Variants in CENPL observed in about 807,000 individuals in gnomAD.
CENPL encodes the protein centromere protein L.
A neutral mutation model predicts 35.2 loss-of-function variants in CENPL; 20 were observed. The observed-to-expected ratio is 0.57, with a 90% CI of 0.40 to 0.83. The LOEUF (loss-of-function observed/expected upper bound fraction) is 0.83, where lower values mean the gene tolerates loss of function less well. CENPL is among the 40% of genes least tolerant of loss of function. The pLI, the probability that CENPL is intolerant of heterozygous loss-of-function variation, is 0.00. For synonymous variants in CENPL, 140 were observed against 140.6 expected (o/e 1.00, Z 0.03); for missense variants, 363 against 395.8 (o/e 0.92, Z 0.70).
intron 3 of CENPL, among the ~76,000 whole-genome samples, chr1:173,808,101 T>C (rs1557845686): frequency 6.6e-6 from 1 of 152,118 alleles, no homozygotes; most frequent in Non-Finnish European, 1.5e-5. Context: ...CTAATTTGAT[T>C]AGTCTTAATT....
chr1:173,812,751 A>T (rs183501839), intron 2 of CENPL, among the ~76,000 whole-genome samples: 3 of 152,314 alleles, frequency 2.0e-5, no homozygotes, highest in Non-Finnish European at 2.9e-5. Context: ...TAATTCTAAA[A>T]ACCAGAGGGC....
chr1:173,805,509 C>CAA (rs1409340810), intron 4 of CENPL, among the ~76,000 whole-genome samples: 24 of 78,208 alleles, frequency 3.1e-4, no homozygotes, highest in African/African-American at 7.9e-4. Context: ...GAAGCTGTCT[C>CAA]AAAAAAAAAA....
At chr1:173,817,389 C>A (rs1651509269) in intron 2 of CENPL, among the ~76,000 whole-genome samples, 1 of 152,162 alleles carries the variant, frequency 6.6e-6, no homozygotes, top group African/African-American at 2.4e-5. Context: ...ATGAAGCCAA[C>A]AAACACATGA....
chr1:173,811,874 G>C (rs1650862602), intron 2 of CENPL, among the ~76,000 whole-genome samples: 1 of 152,250 alleles, frequency 6.6e-6, no homozygotes, highest in Non-Finnish European at 1.5e-5. Flanking sequence ...TGCCCCACCT[G>C]GGAAGCGCAA....
At chr1:173,815,402 A>G (rs1042865390) in intron 2 of CENPL, among the ~76,000 whole-genome samples, 3 of 152,226 alleles carry the variant, frequency 2.0e-5, no homozygotes, top group Non-Finnish European at 4.4e-5. Flanking sequence ...ATTTTGGACC[A>G]ATATCCCTGA....
rs774711348 is a variant in CENPL, at chr1:173,807,364, G to C, written c.323C>G (p.Ala108Gly). The change falls in exon 4 of 6, where the codon GCT (alanine) becomes GGT (glycine). Residue 108 changes from alanine to glycine, a missense_variant. Physicochemically the swap from Ala to Gly is moderately conservative, Grantham distance 60 (BLOSUM62 0). Transcript: ENST00000682279. ...GTTGAAGTCTTCTCCCACTTCCACA[G>C]CAAGTCCTTTTTGCTTTTCAGCAAC... is the stretch of plus-strand genomic sequence containing the variant. Reference protein sequence around the residue: ...FIVAEKQKGLAVEVGEDFNIK... With the variant: ...FIVAEKQKGLGVEVGEDFNIK... 3 of 1,613,660 alleles carry C rather than the reference G, an allele frequency of 1.9e-6. No homozygotes were observed. Among genetic ancestry groups the C allele is most frequent in the Non-Finnish European group, 2.5e-6 (3 of 1,179,778 alleles).
chr1:173,803,976 A>G (rs1414654026), intron 4 of CENPL, among the ~76,000 whole-genome samples: 6 of 152,106 alleles, frequency 3.9e-5, no homozygotes, highest in African/African-American at 1.4e-4. Context: ...CCGGCCCCCA[A>G]TATTCTTATA....
chr1:173,819,201 T>C (rs1651701992), intron 2 of CENPL, among the ~76,000 whole-genome samples: 1 of 151,714 alleles, frequency 6.6e-6, no homozygotes, highest in South Asian at 2.1e-4. Context: ...GCCACCGAAT[T>C]CCAGCCTGGG....
Position 173,802,950 on chromosome 1 carries a change from T to A in CENPL, c.963+13A>T, listed in dbSNP as rs752678405. On this transcript the variant is annotated intron_variant, in intron 5 of 5. Coordinates refer to ENST00000682279, the MANE Select transcript of CENPL (RefSeq NM_001387287.1). ...ACAAGGAAAAATTACTTAACTAGAT[T>A]GTTCAAACTAACCTTTATTTTTCCA... 1 of 1,556,782 alleles carries A rather than the reference T, an allele frequency of 6.4e-7. No homozygotes were observed. Among genetic ancestry groups the A allele is most frequent in the South Asian group, 1.2e-5 (1 of 82,940 alleles).
intron 4 of CENPL, 62 bp downstream of exon 4, chr1:173,807,205 G>C: frequency 1.5e-6 from 2 of 1,375,074 alleles, no homozygotes. Context: ...AATTATTATA[G>C]TTTAGTCAAA....
At chr1:173,820,755 T>C (rs1271525509) in intron 2 of CENPL, among the ~76,000 whole-genome samples, 1 of 152,198 alleles carries the variant, frequency 6.6e-6, no homozygotes, top group African/African-American at 2.4e-5. Flanking sequence ...AAATTATTGA[T>C]ACATGCAACA....
chr1:173,820,962 T>A (rs1156341238), intron 2 of CENPL, among the ~76,000 whole-genome samples: 2 of 152,160 alleles, frequency 1.3e-5, no homozygotes, highest in Non-Finnish European at 2.9e-5. Context: ...GAACTGTATC[T>A]TGACTGTAGT....
intron 3 of CENPL, among the ~76,000 whole-genome samples, chr1:173,808,800 AG>A (rs1234454976): frequency 6.6e-6 from 1 of 152,170 alleles, no homozygotes; most frequent in Non-Finnish European, 1.5e-5. Context: ...ACGACAACCT[AG>A]GCAATACCAT....
At chr1:173,808,450 C>T (rs542232676) in intron 3 of CENPL, 2 of 151,578 alleles carry the variant, frequency 1.3e-5, no homozygotes, top group Admixed American at 1.3e-4. Context: ...TTTATGAAAC[C>T]ATGCCCAATT....
chr1:173,800,904 CTA>C (rs1293146550), intron 5 of CENPL, among the ~76,000 whole-genome samples: 8 of 152,254 alleles, frequency 5.3e-5, no homozygotes, highest in Non-Finnish European at 1.2e-4. Flanking sequence ...TTATAGTGAG[CTA>C]TAATCACACT....
chr1:173,807,030 G>A lies in CENPL; in HGVS notation c.420+237C>T, dbSNP rs376085463. On this transcript the variant is annotated intron_variant, in intron 4 of 5. Coordinates refer to ENST00000682279, the MANE Select transcript of CENPL (RefSeq NM_001387287.1). ...ATGGGCAATATGATCCCAATTTCAA[G>A]ACTATATAGATACAGATAACCAAAC... 2.6e-5 allele frequency among the ~76,000 whole-genome samples: 4 copies of A among 152,116 alleles called. 1 individual carries two copies. Among genetic ancestry groups the A allele is most frequent in the African/African-American group, 9.6e-5 (4 of 41,510 alleles).
chr1:173,807,622 G>T, intron 3 of CENPL, 104 bp from the exon 4 acceptor site: 3 of 938,344 alleles, frequency 3.2e-6, no homozygotes, highest in Non-Finnish European at 4.6e-6. Flanking sequence ...TTGAGTACCT[G>T]ATTTTTGCAC....
At chr1:173,809,359 A>C (rs1289196065) in intron 3 of CENPL, among the ~76,000 whole-genome samples, 1 of 151,060 alleles carries the variant, frequency 6.6e-6, no homozygotes, top group African/African-American at 2.4e-5. Flanking sequence ...GAGGGTGGGG[A>C]GGGTTGATCA....
chr1:173,804,881 T>C (rs993698101), intron 4 of CENPL, among the ~76,000 whole-genome samples: 6 of 152,242 alleles, frequency 3.9e-5, no homozygotes, highest in African/African-American at 1.4e-4. Context: ...ATCATAGCTT[T>C]GTATCATACC....
Sources: allele counts gnomAD v4.1 joint callset (sites outside exome capture counted in the v4.1 genomes callset), GRCh38; gene constraint gnomAD v4.1.1; transcripts MANE v1.5; gene names NCBI Gene and HGNC (gene_info 2026-07-23, HGNC 2026-07-21).